Variants in UBR2 observed in about 807,000 individuals in gnomAD.
The protein encoded by UBR2 is E3 ubiquitin-protein ligase UBR2.
UBR2 carries 92 observed loss-of-function variants against 247.9 expected under a neutral mutation model. That is an observed-to-expected ratio of 0.37 (90% CI 0.31 to 0.44). The LOEUF (loss-of-function observed/expected upper bound fraction) is 0.44. UBR2 is among the 20% of genes least tolerant of loss of function. The probability of loss-of-function intolerance (pLI) is 1.00; values close to 1 mark genes in which losing one functional copy is unlikely to be tolerated. For synonymous variants in UBR2, 672 were observed against 693.5 expected (o/e 0.97, Z 0.49); for missense variants, 1,613 against 2,112.6 (o/e 0.76, Z 4.64).
intron 1 of UBR2, among the ~76,000 whole-genome samples, chr6:42,572,045 CTGTT>C (rs1791181144): frequency 6.6e-6 from 1 of 151,986 alleles, no homozygotes; most frequent in Non-Finnish European, 1.5e-5. Flanking sequence ...GCTGCTGCTG[CTGTT>C]TTATTTTTAT....
chr6:42,619,440 TATATATATATATA>T lies in UBR2; in HGVS notation c.1281+1934_1281+1946del, dbSNP rs1259994680. 8.4e-3 allele frequency: 277 copies of T among 33,170 alleles called. 22 individuals carry two copies. Among genetic ancestry groups the T allele is most frequent in the Non-Finnish European group, 0.013 (222 of 17,546 alleles). 2.1% of individuals were successfully genotyped at this position (33,170 alleles called of 1,614,324 possible). ...ATATATATATATATATATATATATA[TATATATATATATA>T]TTTTTTTTTTTTAGTTCTCTATCTC... On this transcript the variant is annotated intron_variant, in intron 11 of 46. Coordinates refer to ENST00000372901, the MANE Select transcript of UBR2 (RefSeq NM_001363705.2).
intron 20 of UBR2, 125 bp from the exon 21 acceptor site, chr6:42,645,340 CA>C (rs2151961362): frequency 1.1e-6 from 1 of 887,722 alleles, no homozygotes; most frequent in Non-Finnish European, 1.7e-6. Flanking sequence ...GCAGAACAGT[CA>C]TTACTTTCCC....
At chr6:42,623,490 C>T (rs752963846) in intron 11 of UBR2, among the ~76,000 whole-genome samples, 22 of 152,072 alleles carry the variant, frequency 1.4e-4, no homozygotes, top group Non-Finnish European at 2.2e-4. Flanking sequence ...CTCACTCTGT[C>T]GCGCAGGCTG....
chr6:42,619,580 C>A, intron 11 of UBR2: 1 of 222,072 alleles, frequency 4.5e-6, no homozygotes, highest in South Asian at 1.7e-4. Flanking sequence ...GAAACCCCAT[C>A]TCTACTAAAA....
chr6:42,605,739 C>T lies in UBR2; in HGVS notation c.681C>T (p.Tyr227=). The part of the protein sequence containing the change: ...DLEMVEKSDT[Y]YCMLFNDEVH... ...CACACAGAGAGAAGAGTGACACCTA[C>T]TATTGCATGCTGTTTAATGATGAGG... is the stretch of plus-strand genomic sequence containing the variant. The change falls in exon 6 of 47, where the codon TAC becomes TAT. Residue 227 remains tyrosine, a synonymous_variant. Transcript: ENST00000372901. 1 of 1,608,076 alleles carries T rather than the reference C, an allele frequency of 6.2e-7. No individual in the cohort carries two copies. Among genetic ancestry groups the T allele is most frequent in the Non-Finnish European group, 8.5e-7 (1 of 1,178,052 alleles).
At chr6:42,613,502 C>T (rs1794222544) in intron 8 of UBR2, among the ~76,000 whole-genome samples, 1 of 151,978 alleles carries the variant, frequency 6.6e-6, no homozygotes, top group Admixed American at 6.6e-5. Flanking sequence ...TGGGACGATC[C>T]CTCGAGCCCA....
At chr6:42,586,538 C>CTTTTTTTTTTTTTTTTTTTTTTT (rs147830824) in intron 2 of UBR2, among the ~76,000 whole-genome samples, 8 of 97,256 alleles carry the variant, frequency 8.2e-5, no homozygotes, top group East Asian at 5.8e-4. Context: ...GTTTGTCTCT[C>CTTTTTTTTTTTTTTTTTTTTTTT]TTTTTTTTTT....
chr6:42,621,751 G>A (rs370297346), intron 11 of UBR2, among the ~76,000 whole-genome samples: 17 of 151,568 alleles, frequency 1.1e-4, no homozygotes, highest in South Asian at 4.2e-4. Flanking sequence ...GTGAGCCACC[G>A]CGCCAGGCCA....
chr6:42,575,591 G>A (rs1791452890), intron 2 of UBR2, among the ~76,000 whole-genome samples: 1 of 152,136 alleles, frequency 6.6e-6, no homozygotes, highest in African/African-American at 2.4e-5. Flanking sequence ...GAAGATTACA[G>A]ACCAGTTATT....
intron 4 of UBR2, among the ~76,000 whole-genome samples, chr6:42,603,137 A>C (rs973638483): frequency 6.6e-6 from 1 of 152,194 alleles, no homozygotes; most frequent in Non-Finnish European, 1.5e-5. Context: ...TCTGAAAGTC[A>C]TGAGTTCTTA....
intron 2 of UBR2, among the ~76,000 whole-genome samples, chr6:42,585,510 T>G (rs1400137245): frequency 1.3e-5 from 2 of 152,242 alleles, no homozygotes; most frequent in African/African-American, 4.8e-5. Flanking sequence ...AAAATTGGTA[T>G]GACTTTTTCT....
intron 14 of UBR2, among the ~76,000 whole-genome samples, chr6:42,636,246 C>T (rs1250157708): frequency 6.0e-5 from 9 of 149,918 alleles, no homozygotes; most frequent in Admixed American, 3.3e-4. Context: ...GGTGCAATCC[C>T]GGCTCACTGC....
chr6:42,628,578 C>T (rs761625819), intron 11 of UBR2, among the ~76,000 whole-genome samples: 1 of 151,968 alleles, frequency 6.6e-6, no homozygotes, highest in Non-Finnish European at 1.5e-5. Flanking sequence ...AAAAAATTAG[C>T]TGGGCATGGT....
chr6:42,605,798 A>G lies in UBR2; in HGVS notation c.740A>G (p.Gln247Arg), dbSNP rs1439516375. ...TATGAACAAGTTATTTATACTCTTCAGAAAGCTGTTAACTGTACACAAAAA... is the reference window on the plus strand; with the variant it reads ...TATGAACAAGTTATTTATACTCTTCGGAAAGCTGTTAACTGTACACAAAAA... The part of the protein sequence containing the change: ...HTYEQVIYTL[Q>R]KAVNCTQKEA... Residue 247 changes from glutamine to arginine, a missense_variant, in exon 6 of 47, where the codon CAG becomes CGG. Physicochemically the swap from Gln to Arg is conservative, Grantham distance 43 (BLOSUM62 1). This residue lies in a region of UBR2 where 1,524 missense variants were observed against 1,967.3 expected (regional missense o/e 0.77). Transcript: ENST00000372901. 6.2e-7 allele frequency: 1 copy of G among 1,613,188 alleles called. No homozygotes were observed. The highest frequency in any genetic ancestry group is 1.3e-5 in the African/African-American group (1 of 74,920).
intron 30 of UBR2, among the ~76,000 whole-genome samples, chr6:42,660,743 C>A (rs1797747256): frequency 6.6e-6 from 1 of 151,662 alleles, no homozygotes; most frequent in Admixed American, 6.6e-5. Flanking sequence ...AGGTGGATCA[C>A]CTGAGGTCAG....
At chr6:42,682,504 C>T (rs1348312281) in intron 42 of UBR2, among the ~76,000 whole-genome samples, 1 of 151,874 alleles carries the variant, frequency 6.6e-6, no homozygotes, top group Non-Finnish European at 1.5e-5. Flanking sequence ...AGTCACAGCT[C>T]ATCCTCCTGG....
chr6:42,662,395 G>GT, intron 31 of UBR2, 118 bp downstream of exon 31: 1 of 631,980 alleles, frequency 1.6e-6, no homozygotes, highest in Non-Finnish European at 2.7e-6. Context: ...GAAAAAATCC[G>GT]TATCATTGCC....
chr6:42,688,581 TA>T (rs1466209010), intron 45 of UBR2, among the ~76,000 whole-genome samples, 195 bp downstream of exon 45: 1 of 152,210 alleles, frequency 6.6e-6, no homozygotes, highest in Non-Finnish European at 1.5e-5. Context: ...CTTTTATTGT[TA>T]CCATTCCCAC....
intron 11 of UBR2, among the ~76,000 whole-genome samples, chr6:42,627,534 G>A (rs938115307): frequency 6.6e-6 from 1 of 152,084 alleles, no homozygotes; most frequent in Non-Finnish European, 1.5e-5. Flanking sequence ...GTCTCGCTCT[G>A]TTGCCCAGGC....
Sources: allele counts gnomAD v4.1 joint callset (sites outside exome capture counted in the v4.1 genomes callset), GRCh38; gene constraint gnomAD v4.1.1; regional missense constraint gnomAD v4.1.1; transcripts MANE v1.5; gene names NCBI Gene and HGNC (gene_info 2026-07-23, HGNC 2026-07-21).